SOX6: variants seen among roughly 807,000 people sequenced by gnomAD.
The protein encoded by SOX6 is SRY-box transcription factor 6.
Under a neutral mutation model 97.8 loss-of-function variants are expected in SOX6, and 11 were observed. The observed-to-expected ratio is 0.11, with a 90% CI of 0.07 to 0.19. The LOEUF (loss-of-function observed/expected upper bound fraction) is 0.19. SOX6 is among the 10% of genes least tolerant of loss of function. The probability of loss-of-function intolerance (pLI) is 1.00; values close to 1 mark genes in which losing one functional copy is unlikely to be tolerated. For missense variants in SOX6, 810 were observed against 1,039.5 expected, an observed-to-expected ratio of 0.78 and a Z score of 3.04; for synonymous variants, 360 against 371.4, an observed-to-expected ratio of 0.97 and a Z score of 0.35.
intron 1 of SOX6, among the ~76,000 whole-genome samples, chr11:16,380,722 A>T (rs570296352): frequency 2.0e-4 from 31 of 152,254 alleles, no homozygotes; most frequent in Non-Finnish European, 3.4e-4. Flanking sequence ...TCAAGTTGCA[A>T]ATGAGACATA....
intron 1 of SOX6, among the ~76,000 whole-genome samples, chr11:16,439,034 CAG>C (rs1859446894): frequency 1.3e-5 from 2 of 152,166 alleles, no homozygotes; most frequent in African/African-American, 4.8e-5. Context: ...AAAGATAAGA[CAG>C]AGAGTTTTCA....
rs150893067 is a variant in SOX6 at position 16,716,314 on chromosome 11, C to T, written n.354-1409G>A. Reference sequence around the variant, plus strand: ...GTCTCAGCTACTAGGGAGGCTGAGGCCAGAGGATCACCTGAGCTTAGGAGC... The same window carrying T: ...GTCTCAGCTACTAGGGAGGCTGAGGTCAGAGGATCACCTGAGCTTAGGAGC... On this transcript the variant is annotated intron_variant and non_coding_transcript_variant, in intron 2 of 5. Transcript: ENST00000524520. Among the ~76,000 whole-genome samples the T allele has an allele frequency of 7.9e-5, 12 of 152,266 alleles. No individual in the cohort carries two copies. In the East Asian group the frequency reaches 2.1e-3, roughly 27 times the overall value.
At chr11:16,179,322 C>T (rs1055265058) in intron 6 of SOX6, among the ~76,000 whole-genome samples, 1 of 151,852 alleles carries the variant, frequency 6.6e-6, no homozygotes, top group South Asian at 2.1e-4. Flanking sequence ...TGCTCTACCA[C>T]GTGGGAAACA....
chr11:16,463,499 G>A lies in SOX6; in HGVS notation c.-5+12816C>T, dbSNP rs142145279. ...TTAGAGAAACCAACTGGGTATTGCAGGGGAGGAAGCTATCTTACAATAGAG... is the reference window on the plus strand; with the variant it reads ...TTAGAGAAACCAACTGGGTATTGCAAGGGAGGAAGCTATCTTACAATAGAG... On this transcript the variant is annotated intron_variant, in intron 1 of 15. Transcript: ENST00000396356. 2.0e-4 allele frequency among the ~76,000 whole-genome samples: 31 copies of A among 152,316 alleles called. No individual in the cohort carries two copies. The East Asian group carries it at 5.2e-3, about 26-fold the overall frequency.
At chr11:16,721,969 G>A (rs1241885032) in intron 2 of SOX6, among the ~76,000 whole-genome samples, 1 of 151,958 alleles carries the variant, frequency 6.6e-6, no homozygotes, top group African/African-American at 2.4e-5. Flanking sequence ...ATGGTGCTGG[G>A]ATAACTGGTT....
intron 9 of SOX6, among the ~76,000 whole-genome samples, chr11:16,067,960 A>G (rs1848132815): frequency 6.6e-6 from 1 of 152,204 alleles, no homozygotes; most frequent in Admixed American, 6.5e-5. Context: ...TCTTACCCTT[A>G]TATTTATCCC....
At chr11:16,409,051 G>A (rs1858741854) in intron 1 of SOX6, among the ~76,000 whole-genome samples, 1 of 151,978 alleles carries the variant, frequency 6.6e-6, no homozygotes, top group African/African-American at 2.4e-5. Flanking sequence ...GGTGCAAGAG[G>A]CTTTTTCTCT....
chr11:16,308,921 T>C (rs1361286014), intron 3 of SOX6, among the ~76,000 whole-genome samples: 1 of 152,164 alleles, frequency 6.6e-6, no homozygotes, highest in Non-Finnish European at 1.5e-5. Context: ...GAAGGGTCCA[T>C]CAAAGGCTCT....
At chr11:16,001,338 C>T (rs983334966) in intron 13 of SOX6, among the ~76,000 whole-genome samples, 1 of 152,162 alleles carries the variant, frequency 6.6e-6, no homozygotes, top group Admixed American at 6.5e-5. Flanking sequence ...TATCTTCATC[C>T]TCATTACAAT....
chr11:16,250,237 T>C (rs1365080121), intron 3 of SOX6, among the ~76,000 whole-genome samples: 2 of 152,028 alleles, frequency 1.3e-5, no homozygotes, highest in Non-Finnish European at 2.9e-5. Context: ...TGATAAAGAA[T>C]TTTGAGTGCC....
chr11:16,030,831 A>G (rs901591654), intron 12 of SOX6, among the ~76,000 whole-genome samples: 3 of 152,034 alleles, frequency 2.0e-5, no homozygotes, highest in African/African-American at 7.2e-5. Context: ...TTATTTATGG[A>G]AAAAAAAGTG....
intron 1 of SOX6, among the ~76,000 whole-genome samples, chr11:16,413,628 C>T (rs1858868042): frequency 6.9e-6 from 1 of 145,252 alleles, no homozygotes; most frequent in African/African-American, 2.6e-5. Flanking sequence ...TCAAGCGATT[C>T]TCCAGCCTCA....
chr11:16,717,771 T>G (rs1014422983), intron 2 of SOX6, among the ~76,000 whole-genome samples: 4 of 152,246 alleles, frequency 2.6e-5, no homozygotes, highest in Non-Finnish European at 5.9e-5. Context: ...CACCTACATT[T>G]GAGCTATTCA....
intron 4 of SOX6, among the ~76,000 whole-genome samples, chr11:16,503,816 G>A (rs577891896): frequency 1.3e-5 from 2 of 152,172 alleles, no homozygotes; most frequent in African/African-American, 4.8e-5. Flanking sequence ...AGGCCAAGGT[G>A]GGCAGATCAC....
intron 9 of SOX6, among the ~76,000 whole-genome samples, chr11:16,080,308 C>A (rs1848446661): frequency 6.8e-6 from 1 of 148,142 alleles, no homozygotes. Context: ...AAAATGAGGT[C>A]TTACAAGTTT....
chr11:16,539,413 G>A (rs886766689), intron 4 of SOX6, among the ~76,000 whole-genome samples: 1 of 152,044 alleles, frequency 6.6e-6, no homozygotes, highest in Admixed American at 6.6e-5. Context: ...AAAAGAACTA[G>A]AGAAGCAAGA....
chr11:16,425,614 G>A (rs1430663689), intron 1 of SOX6, among the ~76,000 whole-genome samples: 1 of 152,116 alleles, frequency 6.6e-6, no homozygotes, highest in East Asian at 1.9e-4. Context: ...AACAACTTCA[G>A]CAAAGTCTTA....
intron 4 of SOX6, among the ~76,000 whole-genome samples, chr11:16,497,904 T>G (rs547388430): frequency 6.6e-6 from 1 of 152,294 alleles, no homozygotes; most frequent in East Asian, 1.9e-4. Flanking sequence ...CAGGATATTA[T>G]CCAGGAGAAC....
chr11:16,643,888 C>G (rs899917245), intron 3 of SOX6, among the ~76,000 whole-genome samples: 8 of 152,246 alleles, frequency 5.3e-5, no homozygotes, highest in Non-Finnish European at 5.9e-5. Context: ...CCTGCTTCAG[C>G]TCACACTCGG....
Sources: gnomAD v4.1 joint callset for allele counts (sites outside exome capture counted in the v4.1 genomes callset) on GRCh38, gnomAD v4.1.1 for gene constraint, MANE v1.5 for transcripts, NCBI Gene and HGNC (gene_info 2026-07-23, HGNC 2026-07-21) for gene names.